The following PDE6C variants were observed in gnomAD, a reference collection of about 807,000 sequenced individuals.
PDE6C encodes cone cGMP-specific 3',5'-cyclic phosphodiesterase subunit alpha'.
A neutral mutation model predicts 113.1 loss-of-function variants in PDE6C; 75 were observed. That is an observed-to-expected ratio of 0.66 (90% CI 0.55 to 0.80). PDE6C has a LOEUF of 0.80. Among genes scored for constraint, PDE6C ranks in the 30% least tolerant of loss-of-function variants. The pLI is 0.00. For synonymous variants in PDE6C, 375 were observed against 363.7 expected (o/e 1.03, Z -0.35); for missense variants, 912 against 1,038.6 (o/e 0.88, Z 1.67).
rs1266292981 is a variant in PDE6C, at chr10:93,622,803, C to T, written c.864+731C>T. ...AAGTTTCCTCCATGTCTTTTCATGA[C>T]TCAATAGCTAATTTCTTTTTATCAC... On this transcript the variant is annotated intron_variant, in intron 4 of 21. Transcript: ENST00000371447. Among the ~76,000 whole-genome samples the T allele has an allele frequency of 7.2e-5, 11 of 152,118 alleles. No individual in the cohort carries two copies. In the South Asian group the frequency reaches 2.1e-3, roughly 29 times the overall value.
At chr10:93,640,321 T>C in intron 12 of PDE6C, 105 bp downstream of exon 12, 1 of 1,332,202 alleles carries the variant, frequency 7.5e-7, no homozygotes. Context: ...TAAATTATTA[T>C]TAACTTTCTA....
intron 11 of PDE6C, among the ~76,000 whole-genome samples, chr10:93,639,262 G>A (rs1025748383): frequency 2.0e-5 from 3 of 151,990 alleles, no homozygotes; most frequent in South Asian, 2.1e-4. Context: ...TTTCTCCCTC[G>A]GCATGGAGCA....
chr10:93,652,415 A>G (rs1369309737), intron 15 of PDE6C, among the ~76,000 whole-genome samples: 3 of 152,218 alleles, frequency 2.0e-5, no homozygotes, highest in African/African-American at 4.8e-5. Flanking sequence ...GAGTTTTTCA[A>G]TTAGGAGGCT....
chr10:93,626,574 T>C (rs1036658286), intron 5 of PDE6C, 66 bp from the exon 6 acceptor site: 12 of 884,440 alleles, frequency 1.4e-5, no homozygotes, highest in Non-Finnish European at 2.0e-5. Flanking sequence ...AAGTACAAGT[T>C]CCCCAATGAA....
At chr10:93,633,108 C>A (rs2058509668) in intron 8 of PDE6C, among the ~76,000 whole-genome samples, 1 of 152,154 alleles carries the variant, frequency 6.6e-6, no homozygotes, top group Admixed American at 6.6e-5. Context: ...ACATACTGTG[C>A]AAATGCTACA....
intron 14 of PDE6C, among the ~76,000 whole-genome samples, chr10:93,643,674 A>G (rs2058570038): frequency 6.7e-6 from 1 of 148,904 alleles, no homozygotes; most frequent in African/African-American, 2.5e-5. Context: ...TACAGGCCTG[A>G]GCTACTGTAT....
chr10:93,653,647 A>AAAAAAC (rs548310248), intron 15 of PDE6C, among the ~76,000 whole-genome samples: 11,585 of 150,170 alleles, frequency 0.077, 1,386 homozygotes, highest in African/African-American at 0.26. Flanking sequence ...CCATCTCAAA[A>AAAAAAC]AAAAACAAAA....
Position 93,612,773 on chromosome 10 carries a change from C to T in PDE6C, c.48C>T (p.Asn16=), listed in dbSNP as rs1460337124. The stretch of plus-strand genomic sequence containing the variant: ...CCGTGGAGAAATACCTGGAGGAGAA[C>T]CCTCAGTTTGCCAAGGAGTACTTTG... ...QVAVEKYLEE[N]PQFAKEYFDR... is the part of the protein sequence containing the mutation. Residue 16 remains asparagine (N), a synonymous_variant, in exon 1 of 22, where the codon AAC becomes AAT. Coordinates refer to ENST00000371447, the MANE Select transcript of PDE6C (RefSeq NM_006204.4). 3 of 1,613,990 alleles carry T rather than the reference C, an allele frequency of 1.9e-6. No individual in the cohort carries two copies. The highest frequency in any genetic ancestry group is 1.1e-5 in the South Asian group (1 of 91,074).
chr10:93,612,724 C>T lies in PDE6C; in HGVS notation c.-2C>T, dbSNP rs759002052. The stretch of plus-strand genomic sequence containing the variant: ...AACAAACGCAGCAAAGCAAGCCACA[C>T]CATGGGTGAGATCAACCAAGTTGCC... On this transcript the variant is annotated 5_prime_UTR_variant, in exon 1 of 22. Transcript: ENST00000371447. 3 of 1,613,628 alleles carry T rather than the reference C, an allele frequency of 1.9e-6. No individual in the cohort carries two copies. Among genetic ancestry groups the T allele is most frequent in the Non-Finnish European group, 2.5e-6 (3 of 1,180,054 alleles).
In PDE6C at chr10:93,646,064, T is replaced by A. The variant is rs1255729154; in HGVS notation, c.1935+17T>A. 1 of 1,361,664 alleles carries A rather than the reference T, an allele frequency of 7.3e-7. No homozygotes were observed. Among genetic ancestry groups the A allele is most frequent in the Non-Finnish European group, 1.1e-6 (1 of 949,078 alleles). The allele number at this position is 1,361,664 out of a possible 1,614,324, so 84.3% of individuals were successfully genotyped here. A position where few individuals can be genotyped will look rare whatever the true frequency, so the allele number is the denominator to read the frequency against. On this transcript the variant is annotated intron_variant, in intron 15 of 21. Transcript: ENST00000371447. ...CAGGATGAGGTACGTAAACCTCTCT[T>A]TAGGACAGCTAAACACAAATTCTGG...
intron 21 of PDE6C, 151 bp downstream of exon 21, chr10:93,663,329 T>G: frequency 3.8e-6 from 3 of 781,390 alleles, no homozygotes; most frequent in Non-Finnish European, 6.5e-6. Flanking sequence ...TTAGTGGTTT[T>G]CAGGTCCCCC....
At chr10:93,655,634 G>GAAAAAAAAAAAAAAACAAAAAA in intron 15 of PDE6C, 126 bp from the exon 16 acceptor site, 1 of 527,718 alleles carries the variant, frequency 1.9e-6, no homozygotes, top group African/African-American at 2.2e-5. Flanking sequence ...AAAAAGGAAG[G>GAAAAAAAAAAAAAAACAAAAAA]AAAACAAAAA....
chr10:93,652,130 A>C (rs1342588944), intron 15 of PDE6C, among the ~76,000 whole-genome samples: 2 of 152,208 alleles, frequency 1.3e-5, no homozygotes, highest in Non-Finnish European at 2.9e-5. Context: ...ATGAGGACTA[A>C]TGGAAAAATA....
At chr10:93,639,497 C>A (rs1173851563) in intron 11 of PDE6C, among the ~76,000 whole-genome samples, 1 of 152,164 alleles carries the variant, frequency 6.6e-6, no homozygotes, top group Non-Finnish European at 1.5e-5. Flanking sequence ...GCAGGGCAAT[C>A]ATTGGTTTAT....
chr10:93,619,071 C>T (rs529032990), intron 1 of PDE6C, among the ~76,000 whole-genome samples: 1 of 152,278 alleles, frequency 6.6e-6, no homozygotes, highest in East Asian at 1.9e-4. Context: ...TGTCATGACC[C>T]AAGGAAGGCT....
chr10:93,644,024 C>T (rs2058571597), intron 14 of PDE6C, among the ~76,000 whole-genome samples: 1 of 152,052 alleles, frequency 6.6e-6, no homozygotes, highest in Admixed American at 6.6e-5. Context: ...TTGTGTGTTT[C>T]AGGATGTTGA....
At chr10:93,627,832 T>C (rs1423243737) in intron 7 of PDE6C, among the ~76,000 whole-genome samples, 4 of 152,214 alleles carry the variant, frequency 2.6e-5, no homozygotes, top group Non-Finnish European at 5.9e-5. Context: ...TCTTAGGCTA[T>C]ATATGCTTAT....
intron 15 of PDE6C, among the ~76,000 whole-genome samples, chr10:93,649,735 G>A (rs981984229): frequency 1.1e-4 from 17 of 152,212 alleles, no homozygotes; most frequent in Non-Finnish European, 2.4e-4. Flanking sequence ...CTCCCAAGTA[G>A]CTAGGATTAT....
intron 16 of PDE6C, among the ~76,000 whole-genome samples, chr10:93,658,645 GTT>G (rs1353987339): frequency 1.3e-5 from 2 of 149,132 alleles, no homozygotes; most frequent in African/African-American, 4.9e-5. Context: ...TGTATTCCAA[GTT>G]ACCTGTTTTG....
Sources: allele counts gnomAD v4.1 joint callset (sites outside exome capture counted in the v4.1 genomes callset), GRCh38; gene constraint gnomAD v4.1.1; transcripts MANE v1.5; gene names NCBI Gene and HGNC (gene_info 2026-07-23, HGNC 2026-07-21).